MCTP1: variants seen among roughly 807,000 people sequenced by gnomAD.
MCTP1 encodes the protein multiple C2 and transmembrane domain containing 1, also known as multiple C2 and transmembrane domain-containing protein 1.
In MCTP1, 69 loss-of-function variants were observed where a neutral mutation model predicts 120.6. The observed-to-expected ratio is 0.57, with a 90% CI of 0.47 to 0.70. The LOEUF (loss-of-function observed/expected upper bound fraction) is 0.70, where lower values mean the gene tolerates loss of function less well. Among genes scored for constraint, MCTP1 ranks in the 30% least tolerant of loss-of-function variants. MCTP1 has a pLI of 0.00. For missense variants in MCTP1, 1,203 were observed against 1,248.8 expected (o/e 0.96, Z 0.55); for synonymous variants, 529 against 493.1 (o/e 1.07, Z -0.96).
chr5:94,730,604 A>G (rs1762945601), intron 19 of MCTP1, among the ~76,000 whole-genome samples: 1 of 152,186 alleles, frequency 6.6e-6, no homozygotes, highest in Non-Finnish European at 1.5e-5. Context: ...TGCATCAAGT[A>G]AGGAGGAGGA....
chr5:95,160,639 A>G (rs1322646116), intron 1 of MCTP1, among the ~76,000 whole-genome samples: 2 of 152,236 alleles, frequency 1.3e-5, no homozygotes, highest in Admixed American at 6.5e-5. Context: ...TCTGCACAGC[A>G]AAGGAAACAC....
intron 10 of MCTP1, among the ~76,000 whole-genome samples, chr5:94,896,352 T>C (rs1211387113): frequency 6.6e-6 from 1 of 152,206 alleles, no homozygotes; most frequent in Admixed American, 6.5e-5. Flanking sequence ...CGAGAGACTA[T>C]AATTCAGACA....
chr5:95,160,494 C>T (rs1009923655), intron 1 of MCTP1, among the ~76,000 whole-genome samples: 10 of 152,104 alleles, frequency 6.6e-5, no homozygotes, highest in African/African-American at 2.2e-4. Flanking sequence ...CATTATATAA[C>T]AAGAGACATT....
At chr5:94,960,343 T>C (rs1185065093) in intron 2 of MCTP1, among the ~76,000 whole-genome samples, 1 of 152,078 alleles carries the variant, frequency 6.6e-6, no homozygotes, top group Non-Finnish European at 1.5e-5. Flanking sequence ...GCAATACCAT[T>C]CAAGACATAG....
chr5:94,824,292 T>C (rs1192081375), intron 17 of MCTP1, among the ~76,000 whole-genome samples: 3 of 152,250 alleles, frequency 2.0e-5, no homozygotes, highest in Non-Finnish European at 4.4e-5. Context: ...TCTCCATTTA[T>C]TGAGCTAATC....
intron 17 of MCTP1, among the ~76,000 whole-genome samples, chr5:94,842,561 AATC>A (rs1306241556): frequency 6.6e-6 from 1 of 152,186 alleles, no homozygotes; most frequent in African/African-American, 2.4e-5. Context: ...TTGGGGAAAA[AATC>A]ATCAAGGAAC....
intron 19 of MCTP1, among the ~76,000 whole-genome samples, chr5:94,764,024 C>T (rs746943253): frequency 1.3e-5 from 2 of 152,142 alleles, no homozygotes; most frequent in Non-Finnish European, 2.9e-5. Flanking sequence ...GTTTACACTA[C>T]ATGTCCATAT....
chr5:94,913,994 C>T (rs1460659274), intron 8 of MCTP1, among the ~76,000 whole-genome samples: 1 of 152,180 alleles, frequency 6.6e-6, no homozygotes, highest in Non-Finnish European at 1.5e-5. Context: ...CCTGCCTCAG[C>T]CTCCCAAAGT....
chr5:95,218,258 G>T (rs559493732), intron 1 of MCTP1, among the ~76,000 whole-genome samples: 1 of 152,232 alleles, frequency 6.6e-6, no homozygotes, highest in African/African-American at 2.4e-5. Flanking sequence ...GAAAAGATCC[G>T]TGTTCAATGG....
At chr5:95,073,645 C>T (rs186540024) in intron 1 of MCTP1, among the ~76,000 whole-genome samples, 16 of 152,214 alleles carry the variant, frequency 1.1e-4, no homozygotes, top group African/African-American at 3.9e-4. Flanking sequence ...GGATATGCTA[C>T]AAAAAGGTAA....
At chr5:94,947,397 C>T (rs1819221939) in intron 3 of MCTP1, among the ~76,000 whole-genome samples, 1 of 151,414 alleles carries the variant, frequency 6.6e-6, no homozygotes, top group South Asian at 2.1e-4. Context: ...TATGACATCG[C>T]TCCTTAGAAT....
At chr5:94,875,097 C>T (rs1442521640) in intron 12 of MCTP1, among the ~76,000 whole-genome samples, 1 of 152,010 alleles carries the variant, frequency 6.6e-6, no homozygotes, top group Non-Finnish European at 1.5e-5. Flanking sequence ...AAGAAGAAGA[C>T]AGACAAGAAA....
At chr5:94,917,804 G>A in intron 8 of MCTP1, 92 bp downstream of exon 8, 1 of 896,430 alleles carries the variant, frequency 1.1e-6, no homozygotes, top group Non-Finnish European at 1.8e-6. Flanking sequence ...GTTAGTATAG[G>A]GAGTGGGTTT....
intron 1 of MCTP1, among the ~76,000 whole-genome samples, chr5:95,022,044 C>A (rs1047854511): frequency 4.6e-5 from 7 of 152,092 alleles, no homozygotes; most frequent in Admixed American, 3.3e-4. Flanking sequence ...CTTCATATTT[C>A]CAGAGTAGAC....
intron 1 of MCTP1, among the ~76,000 whole-genome samples, chr5:95,130,610 C>G (rs183623642): frequency 5.9e-5 from 9 of 152,188 alleles, no homozygotes; most frequent in African/African-American, 1.4e-4. Context: ...GCTAGAAGTC[C>G]AAGATCAAAG....
At chr5:94,919,969 T>C (rs1240106367) in intron 7 of MCTP1, among the ~76,000 whole-genome samples, 1 of 152,230 alleles carries the variant, frequency 6.6e-6, no homozygotes, top group Non-Finnish European at 1.5e-5. Context: ...GGCACCATAA[T>C]CCTTAGCGAA....
At chr5:95,107,368 C>T (rs1454283236) in intron 1 of MCTP1, among the ~76,000 whole-genome samples, 1 of 152,098 alleles carries the variant, frequency 6.6e-6, no homozygotes, top group Non-Finnish European at 1.5e-5. Context: ...TGGCAACACC[C>T]TTCATAAAAC....
intron 1 of MCTP1, among the ~76,000 whole-genome samples, chr5:95,100,725 G>T (rs985551181): frequency 6.6e-6 from 1 of 152,142 alleles, no homozygotes; most frequent in Non-Finnish European, 1.5e-5. Context: ...AACTAGTGAT[G>T]TTGTAATTTG....
At chr5:94,872,538 C>A (rs971652831) in intron 13 of MCTP1, among the ~76,000 whole-genome samples, 4 of 151,980 alleles carry the variant, frequency 2.6e-5, no homozygotes, top group Admixed American at 1.3e-4. Flanking sequence ...GTTCAGAGTT[C>A]ATTTCAAAAG....
Sources: allele counts gnomAD v4.1 joint callset (sites outside exome capture counted in the v4.1 genomes callset), GRCh38; gene constraint gnomAD v4.1.1; transcripts MANE v1.5; gene names NCBI Gene and HGNC (gene_info 2026-07-23, HGNC 2026-07-21).